The following CLCN3 variants were observed in gnomAD, a reference collection of about 807,000 sequenced individuals.
CLCN3 encodes H(+)/Cl(-) exchange transporter 3.
Under a neutral mutation model 83.4 loss-of-function variants are expected in CLCN3, and 16 were observed. That is an observed-to-expected ratio of 0.19 (90% CI 0.13 to 0.29). The LOEUF (loss-of-function observed/expected upper bound fraction) is 0.29, where lower values mean the gene tolerates loss of function less well. Ranked by LOEUF, CLCN3 falls within the 10% of genes least tolerant of loss-of-function variation. The pLI is 1.00. For synonymous variants in CLCN3, 322 were observed against 346.2 expected, an observed-to-expected ratio of 0.93 and a Z score of 0.78; for missense variants, 544 against 1,006.0, an observed-to-expected ratio of 0.54 and a Z score of 6.21.
intron 3 of CLCN3, among the ~76,000 whole-genome samples, chr4:169,686,651 G>A (rs1370565551): frequency 1.3e-5 from 2 of 152,116 alleles, no homozygotes; most frequent in Non-Finnish European, 2.9e-5. Context: ...TTCTGACCTC[G>A]TGATCCACCT....
chr4:169,672,749 C>T (rs1357859317), intron 2 of CLCN3, among the ~76,000 whole-genome samples: 1 of 151,876 alleles, frequency 6.6e-6, no homozygotes, highest in African/African-American at 2.4e-5. Context: ...CTGCAACCTT[C>T]GCCTCCTGCA....
At chr4:169,704,360 G>A (rs1358726778) in intron 10 of CLCN3, among the ~76,000 whole-genome samples, 176 bp downstream of exon 10, 4 of 152,128 alleles carry the variant, frequency 2.6e-5, no homozygotes, top group East Asian at 1.9e-4. Flanking sequence ...ATACAGTACC[G>A]GTTTTCTGTC....
At chr4:169,705,028 A>G (rs1276993233) in intron 10 of CLCN3, among the ~76,000 whole-genome samples, 1 of 152,200 alleles carries the variant, frequency 6.6e-6, no homozygotes, top group African/African-American at 2.4e-5. Flanking sequence ...ACTCTAATCA[A>G]GTTGAGGAGA....
At chr4:169,670,240 T>G (rs988729907) in intron 2 of CLCN3, among the ~76,000 whole-genome samples, 4 of 152,080 alleles carry the variant, frequency 2.6e-5, no homozygotes, top group African/African-American at 9.7e-5. Context: ...TTCATGGTTT[T>G]GGGTTTTACA....
At chr4:169,628,421 T>C (rs1773288728) in intron 1 of CLCN3, among the ~76,000 whole-genome samples, 1 of 152,196 alleles carries the variant, frequency 6.6e-6, no homozygotes. Flanking sequence ...GACAAATAAC[T>C]AGTATCTGTA....
At position 169,697,533 on chromosome 4, in the gene CLCN3, A is replaced by G; in HGVS notation, c.1362A>G (p.Glu454=). 1 of 1,614,198 alleles carries G rather than the reference A, an allele frequency of 6.2e-7. No homozygotes were observed. The highest frequency in any genetic ancestry group is 8.5e-7 in the Non-Finnish European group (1 of 1,180,022). ...PNPYTRLNTS[E]LIKELFTDCG... ...CATACACTAGGCTAAACACCAGTGA[A>G]CTGATCAAAGAGCTTTTTACAGACT... is the stretch of plus-strand genomic sequence containing the variant. The change falls in exon 9 of 13, where the codon GAA becomes GAG. Residue 454 remains glutamate, a synonymous_variant. Coordinates refer to ENST00000513761, the MANE Select transcript of CLCN3 (RefSeq NM_001829.4).
chr4:169,643,647 C>T (rs1171511295), intron 2 of CLCN3, among the ~76,000 whole-genome samples: 2 of 152,132 alleles, frequency 1.3e-5, no homozygotes, highest in African/African-American at 2.4e-5. Context: ...GATCCTCTCA[C>T]CTCAGCCTCC....
At chr4:169,673,908 G>A (rs1461711372) in intron 2 of CLCN3, among the ~76,000 whole-genome samples, 3 of 152,142 alleles carry the variant, frequency 2.0e-5, no homozygotes, top group African/African-American at 4.8e-5. Flanking sequence ...AGAGTAAAAC[G>A]CAGACATGAC....
At chr4:169,678,346 C>T (rs1731764628) in intron 2 of CLCN3, among the ~76,000 whole-genome samples, 1 of 152,082 alleles carries the variant, frequency 6.6e-6, no homozygotes, top group Admixed American at 6.5e-5. Flanking sequence ...GCCTTACTTC[C>T]AAGTTTTGGA....
chr4:169,637,697 C>T (rs2150203729), intron 2 of CLCN3, among the ~76,000 whole-genome samples: 1 of 152,058 alleles, frequency 6.6e-6, no homozygotes, highest in South Asian at 2.1e-4. Flanking sequence ...AAGATATTCT[C>T]CTGTTTTGTT....
intron 11 of CLCN3, among the ~76,000 whole-genome samples, chr4:169,711,367 C>CT (rs1383495030): frequency 6.6e-6 from 1 of 152,130 alleles, no homozygotes. Flanking sequence ...CATGATCATG[C>CT]TTTTTTTATT....
chr4:169,677,055 G>GT (rs1447988436), intron 2 of CLCN3, among the ~76,000 whole-genome samples: 3 of 151,876 alleles, frequency 2.0e-5, no homozygotes, highest in African/African-American at 7.3e-5. Context: ...TTAAATATAG[G>GT]TAACATGACT....
intron 12 of CLCN3, among the ~76,000 whole-genome samples, chr4:169,715,582 A>C (rs1224658389): frequency 6.6e-6 from 1 of 152,124 alleles, no homozygotes; most frequent in Non-Finnish European, 1.5e-5. Context: ...CTGCATAGCT[A>C]TCATTGATGT....
chr4:169,674,281 A>T (rs1273756260), intron 2 of CLCN3, among the ~76,000 whole-genome samples: 4 of 152,088 alleles, frequency 2.6e-5, no homozygotes, highest in Admixed American at 1.3e-4. Flanking sequence ...GTTTTTCCTT[A>T]TAAGATTCAT....
chr4:169,703,782 T>C (rs1320820015), intron 9 of CLCN3, among the ~76,000 whole-genome samples: 1 of 152,160 alleles, frequency 6.6e-6, no homozygotes, highest in African/African-American at 2.4e-5. Context: ...TTGAATTTTT[T>C]TCTGTTTGGC....
chr4:169,669,973 G>GTT (rs1321751354), intron 2 of CLCN3, among the ~76,000 whole-genome samples: 1 of 152,118 alleles, frequency 6.6e-6, no homozygotes, highest in Non-Finnish European at 1.5e-5. Flanking sequence ...GGGGTTGTTT[G>GTT]TTTTTTTCTT....
chr4:169,660,408 G>A, intron 2 of CLCN3: 2 of 1,407,462 alleles, frequency 1.4e-6, no homozygotes, highest in Non-Finnish European at 9.2e-7. Flanking sequence ...CTTATGACGG[G>A]GGAGGAGACA....
intron 2 of CLCN3, among the ~76,000 whole-genome samples, chr4:169,636,555 T>C (rs762929071): frequency 2.3e-4 from 35 of 152,216 alleles, no homozygotes; most frequent in Non-Finnish European, 4.0e-4. Context: ...ATTTAAACTT[T>C]ATGTATGTGG....
chr4:169,621,820 C>A (rs771574640), intron 1 of CLCN3, among the ~76,000 whole-genome samples: 1 of 151,942 alleles, frequency 6.6e-6, no homozygotes, highest in Non-Finnish European at 1.5e-5. Flanking sequence ...TTTATGAGGT[C>A]GGTATGGAAA....
Sources: gnomAD v4.1 joint callset for allele counts (sites outside exome capture counted in the v4.1 genomes callset) on GRCh38, gnomAD v4.1.1 for gene constraint, MANE v1.5 for transcripts, NCBI Gene and HGNC (gene_info 2026-07-23, HGNC 2026-07-21) for gene names.